Variants in NAALADL2 observed in about 807,000 individuals in gnomAD.
NAALADL2 encodes N-acetylated alpha-linked acidic dipeptidase like 2, also known as inactive N-acetylated-alpha-linked acidic dipeptidase-like protein 2.
In NAALADL2, 76 loss-of-function variants were observed where a neutral mutation model predicts 87.2. That is an observed-to-expected ratio of 0.87 (90% confidence interval 0.72 to 1.05). The LOEUF (loss-of-function observed/expected upper bound fraction) is 1.05, where lower values mean the gene tolerates loss of function less well. Among genes scored for constraint, NAALADL2 ranks in the 50% least tolerant of loss-of-function variants. NAALADL2 has a pLI of 0.00. For missense variants in NAALADL2, 1,089 were observed against 945.8 expected (o/e 1.15, Z -1.99); for synonymous variants, 354 against 331.0 (o/e 1.07, Z -0.75).
intron 3 of NAALADL2, among the ~76,000 whole-genome samples, chr3:175,247,703 A>G (rs896409631): frequency 2.0e-5 from 3 of 152,152 alleles, no homozygotes; most frequent in African/African-American, 4.8e-5. Flanking sequence ...TTTCAAGATA[A>G]TGACAGCAGA....
At chr3:175,405,099 T>C (rs1712073670) in intron 5 of NAALADL2, among the ~76,000 whole-genome samples, 1 of 152,160 alleles carries the variant, frequency 6.6e-6, no homozygotes, top group Admixed American at 6.6e-5. Context: ...AATATATAGA[T>C]TTTGATTCAT....
chr3:174,881,172 G>A (rs1380629071), intron 1 of NAALADL2, among the ~76,000 whole-genome samples: 2 of 152,084 alleles, frequency 1.3e-5, no homozygotes, highest in Non-Finnish European at 2.9e-5. Context: ...CATATCCTTT[G>A]AGGAGCTGCC....
At chr3:174,662,184 T>C (rs898271531) in intron 2 of NAALADL2, among the ~76,000 whole-genome samples, 1 of 152,188 alleles carries the variant, frequency 6.6e-6, no homozygotes, top group Non-Finnish European at 1.5e-5. Flanking sequence ...TATCAATTCT[T>C]ATTATTTTAT....
chr3:175,797,869 G>T (rs1435966417), intron 13 of NAALADL2, among the ~76,000 whole-genome samples: 1 of 152,028 alleles, frequency 6.6e-6, no homozygotes, highest in Non-Finnish European at 1.5e-5. Context: ...TACTGGTTTT[G>T]CTGTCAAGAG....
rs145926608 is a variant in NAALADL2 at position 174,818,603 on chromosome 3, C to T, written c.-9+80857C>T. ...TCTTGGATTTCTTATTTTCTCCTTC[C>T]TCTACCTGTCACATACTACACCCTG... On this transcript the variant is annotated intron_variant, in intron 3 of 3. Coordinates refer to the NAALADL2 transcript ENST00000434257. Among the ~76,000 whole-genome samples, 421 of 152,234 alleles carry T rather than the reference C, an allele frequency of 2.8e-3. 1 individual carries two copies. Among genetic ancestry groups the T allele is most frequent in the Middle Eastern group, 6.8e-3 (2 of 294 alleles).
At chr3:175,414,788 T>C (rs1301780718) in intron 5 of NAALADL2, among the ~76,000 whole-genome samples, 1 of 120,182 alleles carries the variant, frequency 8.3e-6, no homozygotes, top group Non-Finnish European at 1.9e-5. Flanking sequence ...TTGGTTAAGG[T>C]AAAGGATCTA....
chr3:174,581,763 A>G (rs1716190760), intron 2 of NAALADL2, among the ~76,000 whole-genome samples: 1 of 152,142 alleles, frequency 6.6e-6, no homozygotes, highest in African/African-American at 2.4e-5. Context: ...CTGGCCAGTG[A>G]GTCGTGCGAG....
In NAALADL2 at chr3:175,406,445, C is replaced by T. The variant is rs1167858215; in HGVS notation, c.1091-40784C>T. ...AATGTGAAATGAATTTTCCTTCTAT[C>T]CATTAAAAAGGTGGGACTGCCTAAG... On this transcript the variant is annotated intron_variant, in intron 5 of 13. Transcript: ENST00000454872. Among the ~76,000 whole-genome samples the T allele has an allele frequency of 1.9e-4, 29 of 152,076 alleles. 1 individual carries two copies. Among genetic ancestry groups the T allele is most frequent in the Admixed American group, 1.9e-3 (29 of 15,254 alleles).
chr3:175,609,938 C>T (rs1399319057), intron 10 of NAALADL2, among the ~76,000 whole-genome samples: 3 of 152,008 alleles, frequency 2.0e-5, no homozygotes, highest in African/African-American at 7.2e-5. Context: ...CATTAGTTCT[C>T]TTTATACTGG....
At chr3:174,727,887 CCCCTAAA>C (rs1732352066) in intron 2 of NAALADL2, among the ~76,000 whole-genome samples, 1 of 152,116 alleles carries the variant, frequency 6.6e-6, no homozygotes, top group Admixed American at 6.6e-5. Context: ...TCCCTACTGT[CCCCTAAA>C]CCCTAGGTGA....
chr3:174,510,002 A>T (rs1398729748), intron 1 of NAALADL2, among the ~76,000 whole-genome samples: 1 of 149,496 alleles, frequency 6.7e-6, no homozygotes, highest in African/African-American at 2.5e-5. Flanking sequence ...TGAGATGATC[A>T]TTTTTTTTTG....
intron 2 of NAALADL2, among the ~76,000 whole-genome samples, chr3:174,713,725 A>G (rs75514886): frequency 2.6e-5 from 4 of 151,552 alleles, no homozygotes; most frequent in Non-Finnish European, 5.9e-5. Flanking sequence ...AGTAGATTGC[A>G]AAAATTTTCT....
At chr3:175,481,671 T>C (rs1318358436) in intron 9 of NAALADL2, among the ~76,000 whole-genome samples, 3 of 151,902 alleles carry the variant, frequency 2.0e-5, no homozygotes, top group Middle Eastern at 3.2e-3. Context: ...GCTTTATTCA[T>C]AATAGCCCAA....
intron 6 of NAALADL2, among the ~76,000 whole-genome samples, chr3:175,457,821 A>C (rs1722544147): frequency 1.3e-5 from 2 of 151,414 alleles, no homozygotes; most frequent in Non-Finnish European, 2.9e-5. Flanking sequence ...TAATTTTATC[A>C]TCTTTACACT....
At chr3:174,805,563 T>C (rs1394065182) in intron 3 of NAALADL2, among the ~76,000 whole-genome samples, 1 of 152,152 alleles carries the variant, frequency 6.6e-6, no homozygotes, top group Non-Finnish European at 1.5e-5. Flanking sequence ...ATGTTAACAT[T>C]TCAGGAATTA....
chr3:175,523,553 A>G (rs1484839242), intron 9 of NAALADL2, among the ~76,000 whole-genome samples: 1 of 152,176 alleles, frequency 6.6e-6, no homozygotes, highest in African/African-American at 2.4e-5. Context: ...CGAATATAAA[A>G]TTTTCTTTTT....
At chr3:175,709,596 A>T (rs1369910740) in intron 11 of NAALADL2, among the ~76,000 whole-genome samples, 1 of 152,266 alleles carries the variant, frequency 6.6e-6, no homozygotes, top group African/African-American at 2.4e-5. Context: ...AAAGCGTATT[A>T]CGCTGGAAAT....
chr3:174,461,127 A>G (rs1443264960), intron 1 of NAALADL2, among the ~76,000 whole-genome samples: 2 of 152,098 alleles, frequency 1.3e-5, no homozygotes, highest in Admixed American at 6.6e-5. Flanking sequence ...ATATGTGAAG[A>G]TCTAAATAGA....
At chr3:175,085,300 A>T (rs1489735894) in intron 1 of NAALADL2, among the ~76,000 whole-genome samples, 1 of 152,168 alleles carries the variant, frequency 6.6e-6, no homozygotes, top group Non-Finnish European at 1.5e-5. Flanking sequence ...TAGAGTGCTA[A>T]ATAATTGTGT....
Sources: allele counts gnomAD v4.1 joint callset (sites outside exome capture counted in the v4.1 genomes callset), GRCh38; gene constraint gnomAD v4.1.1; transcripts MANE v1.5; gene names NCBI Gene and HGNC (gene_info 2026-07-23, HGNC 2026-07-21).